DLG2: variants seen among roughly 807,000 people sequenced by gnomAD.
DLG2 encodes discs large MAGUK scaffold protein 2, also known as disks large homolog 2.
A neutral mutation model predicts 132.5 loss-of-function variants in DLG2; 45 were observed. The ratio of observed to expected loss-of-function variants is 0.34; its 90% CI spans 0.27 to 0.44. DLG2 has a LOEUF of 0.44. DLG2 is among the 20% of genes least tolerant of loss of function. DLG2 has a pLI of 1.00. For missense variants in DLG2, 1,045 were observed against 1,196.9 expected, an observed-to-expected ratio of 0.87 and a Z score of 1.87; for synonymous variants, 424 against 419.6, an observed-to-expected ratio of 1.01 and a Z score of -0.13.
intron 7 of DLG2, among the ~76,000 whole-genome samples, chr11:84,525,829 G>A (rs118170577): frequency 0.016 from 2,488 of 152,170 alleles, 34 homozygotes; most frequent in Middle Eastern, 0.034. Flanking sequence ...TACATTATGC[G>A]TCAGTATCCT....
At chr11:84,012,803 G>T (rs1428407064) in intron 11 of DLG2, among the ~76,000 whole-genome samples, 2 of 152,190 alleles carry the variant, frequency 1.3e-5, no homozygotes, top group Non-Finnish European at 2.9e-5. Context: ...CTTATAATTG[G>T]AAGGGATCTC....
intron 17 of DLG2, chr11:83,790,613 G>A: frequency 7.6e-7 from 1 of 1,308,268 alleles, no homozygotes. Flanking sequence ...AGTTCCTTTG[G>A]ATTTGATTAT....
At chr11:85,473,723 T>C (rs1217378911) in intron 3 of DLG2, among the ~76,000 whole-genome samples, 5 of 151,856 alleles carry the variant, frequency 3.3e-5, no homozygotes, top group African/African-American at 1.2e-4. Flanking sequence ...TCCCTAGAGG[T>C]AGACTTGTAG....
intron 19 of DLG2, among the ~76,000 whole-genome samples, chr11:83,554,297 T>A (rs12787918): frequency 0.044 from 6,676 of 152,308 alleles, 179 homozygotes; most frequent in South Asian, 0.11. Flanking sequence ...ACAACATGTT[T>A]GGCAACAGGA....
intron 7 of DLG2, among the ~76,000 whole-genome samples, chr11:84,418,144 A>G (rs2154462932): frequency 6.6e-6 from 1 of 152,330 alleles, no homozygotes; most frequent in East Asian, 1.9e-4. Context: ...AGGAGTTTGC[A>G]TATGGTGCTA....
intron 7 of DLG2, among the ~76,000 whole-genome samples, chr11:84,323,969 A>C (rs1487770226): frequency 1.3e-5 from 2 of 151,996 alleles, no homozygotes; most frequent in Non-Finnish European, 2.9e-5. Flanking sequence ...AGCCCTTATC[A>C]AGTATATACT....
intron 7 of DLG2, among the ~76,000 whole-genome samples, chr11:84,470,860 C>G (rs1409792843): frequency 2.0e-5 from 3 of 151,712 alleles, no homozygotes; most frequent in Admixed American, 2.0e-4. Context: ...GGCAAAGTTT[C>G]TAAGAACAGA....
In DLG2 at chr11:84,407,946, T is replaced by C. The variant is rs991272138; in HGVS notation, c.519+126624A>G. On this transcript the variant is annotated intron_variant, in intron 7 of 27. Transcript: ENST00000376104. The stretch of plus-strand genomic sequence containing the variant: ...ATCACTTGTAGCTATCTTGAAGAAA[T>C]GAGGGTATTAACCTATAGCCAGCAC... Among the ~76,000 whole-genome samples the C allele has an allele frequency of 5.9e-5, 9 of 152,156 alleles. 1 individual carries two copies. The South Asian group carries it at 1.4e-3, about 24-fold the overall frequency.
In DLG2 at chr11:83,708,872, G is replaced by C. The variant is rs78857569; in HGVS notation, c.1826-75547C>G. ...TATTCTCTTTGGATCATGAGAGAAAGACTTGGATTGCATTCCAGCTCTGCC... is the reference window on the plus strand; with the variant it reads ...TATTCTCTTTGGATCATGAGAGAAACACTTGGATTGCATTCCAGCTCTGCC... On this transcript the variant is annotated intron_variant, in intron 18 of 27. Transcript: ENST00000376104. Among the ~76,000 whole-genome samples the C allele has an allele frequency of 6.2e-3, 945 of 152,256 alleles. 7 individuals carry two copies. Among genetic ancestry groups the C allele is most frequent in the African/African-American group, 0.022 (896 of 41,538 alleles).
intron 19 of DLG2, among the ~76,000 whole-genome samples, chr11:83,577,778 ATATAT>A (rs1009298863): frequency 2.4e-5 from 3 of 127,644 alleles, no homozygotes; most frequent in Non-Finnish European, 4.7e-5. Context: ...AAAATATTAA[ATATAT>A]TATATTTTAT....
At chr11:83,825,446 G>T (rs1320538939) in intron 17 of DLG2, among the ~76,000 whole-genome samples, 1 of 151,892 alleles carries the variant, frequency 6.6e-6, no homozygotes, top group Non-Finnish European at 1.5e-5. Flanking sequence ...CTCCCAGAGT[G>T]CTGAGATTAC....
intron 3 of DLG2, among the ~76,000 whole-genome samples, chr11:85,571,642 C>A (rs2077849144): frequency 6.6e-6 from 1 of 152,186 alleles, no homozygotes; most frequent in South Asian, 2.1e-4. Flanking sequence ...TGCATTTGGT[C>A]TCCCAATTTC....
intron 7 of DLG2, among the ~76,000 whole-genome samples, chr11:84,330,016 A>G (rs1337228521): frequency 1.3e-5 from 2 of 151,894 alleles, no homozygotes; most frequent in African/African-American, 4.8e-5. Flanking sequence ...TTTCACACCA[A>G]TCTCATAGAA....
intron 18 of DLG2, among the ~76,000 whole-genome samples, chr11:83,786,218 A>G (rs771963130): frequency 1.3e-5 from 2 of 152,116 alleles, no homozygotes; most frequent in Non-Finnish European, 2.9e-5. Context: ...CAAACAAGGG[A>G]TATTGTAGGA....
At chr11:84,582,049 G>A (rs530660375) in intron 6 of DLG2, among the ~76,000 whole-genome samples, 69 of 151,874 alleles carry the variant, frequency 4.5e-4, no homozygotes, top group South Asian at 1.4e-3. Flanking sequence ...ACTAGAAAGC[G>A]GCAGGACTAT....
intron 6 of DLG2, among the ~76,000 whole-genome samples, chr11:84,951,534 A>T (rs1032752181): frequency 2.6e-5 from 4 of 151,766 alleles, no homozygotes; most frequent in Non-Finnish European, 5.9e-5. Context: ...AATACCGACG[A>T]GCATTAAAAT....
At position 83,482,796 on chromosome 11, in the gene DLG2, G is replaced by A. The variant is rs143809924; in HGVS notation, c.2293+1333C>T. 3.3e-3 allele frequency among the ~76,000 whole-genome samples: 506 copies of A among 152,264 alleles called. 2 individuals are homozygous for A. The highest frequency in any genetic ancestry group is 0.012 in the African/African-American group (480 of 41,558). On this transcript the variant is annotated intron_variant, in intron 22 of 27. Coordinates refer to ENST00000376104, the MANE Select transcript of DLG2 (RefSeq NM_001142699.3). ...AAACAGCTCCTTTACTAACAGCAAA[G>A]TGCAACCCAATTATGAGATTTGACA...
At position 84,661,409 on chromosome 11, in the gene DLG2, T is replaced by C. The variant is rs536066533; in HGVS notation, c.358-126678A>G. 1.9e-4 allele frequency among the ~76,000 whole-genome samples: 29 copies of C among 152,220 alleles called. No homozygotes were observed. In the South Asian group the frequency reaches 3.3e-3, roughly 17 times the overall value. On this transcript the variant is annotated intron_variant, in intron 6 of 27. Coordinates refer to ENST00000376104, the MANE Select transcript of DLG2 (RefSeq NM_001142699.3). The stretch of plus-strand genomic sequence containing the variant: ...CTCTGTATATCATCGTGGGGACCCA[T>C]TTTATCCTCTGAACAACAGCTTCCT...
chr11:85,467,446 T>C (rs905468332), intron 3 of DLG2, among the ~76,000 whole-genome samples: 17 of 152,172 alleles, frequency 1.1e-4, no homozygotes, highest in African/African-American at 3.9e-4. Context: ...GGCTGTGGGT[T>C]TGTCATAGAT....
Sources: allele counts gnomAD v4.1 joint callset (sites outside exome capture counted in the v4.1 genomes callset), GRCh38; gene constraint gnomAD v4.1.1; transcripts MANE v1.5; gene names NCBI Gene and HGNC (gene_info 2026-07-23, HGNC 2026-07-21).